TTC31: variants seen among roughly 807,000 people sequenced by gnomAD.
The protein encoded by TTC31 is tetratricopeptide repeat protein 31.
TTC31 carries 59 observed loss-of-function variants against 60.4 expected under a neutral mutation model. That is an observed-to-expected ratio of 0.98 (90% confidence interval 0.79 to 1.21). The LOEUF (loss-of-function observed/expected upper bound fraction) is 1.21, where lower values mean the gene tolerates loss of function less well. Ranked by LOEUF, TTC31 falls within the 50% of genes most tolerant of loss-of-function variation. The pLI is 0.00. For synonymous variants in TTC31, 225 were observed against 249.6 expected, an observed-to-expected ratio of 0.90 and a Z score of 0.93; for missense variants, 672 against 646.9, an observed-to-expected ratio of 1.04 and a Z score of -0.42.
chr2:74,483,359 T>C lies in TTC31; in HGVS notation c.78T>C (p.Ala26=). ...SLRPSCPLEV[A]AAPKLCKEFG... is the part of the protein sequence containing the mutation. Reference sequence around the variant, plus strand: ...GGCCCAGCTGCCCACTGGAGGTCGCTGCTGCACCCAAACTTTGCAAGGAAT... The same window carrying C: ...GGCCCAGCTGCCCACTGGAGGTCGCCGCTGCACCCAAACTTTGCAAGGAAT... The change falls in exon 2 of 13, where the codon GCT becomes GCC. Residue 26 remains alanine, a synonymous_variant. Coordinates refer to ENST00000233623, the MANE Select transcript of TTC31 (RefSeq NM_022492.6). 1 of 1,614,204 alleles carries C rather than the reference T, an allele frequency of 6.2e-7. No homozygotes were observed. Among genetic ancestry groups the C allele is most frequent in the Non-Finnish European group, 8.5e-7 (1 of 1,180,032 alleles).
intron 1 of TTC31, 42 bp downstream of exon 1, chr2:74,483,177 A>T: frequency 2.5e-6 from 4 of 1,614,066 alleles, no homozygotes; most frequent in Non-Finnish European, 3.4e-6. Flanking sequence ...AGGAGGGCAG[A>T]GGCAGCCCCT....
chr2:74,491,346 C>T lies in TTC31; in HGVS notation c.655C>T (p.Pro219Ser). Reference protein sequence around the residue: ...DESPPSSPGNPVQGQCGEEED... With the variant: ...DESPPSSPGNSVQGQCGEEED... The stretch of plus-strand genomic sequence containing the variant: ...GAGCCCCCCATCCAGCCCTGGAAAC[C>T]CAGTTCAGGGACAGTGTGGTGAAGA... The change falls in exon 7 of 13, where the codon CCA becomes TCA. Residue 219 changes from proline to serine, a missense_variant. Coordinates refer to ENST00000233623, the MANE Select transcript of TTC31 (RefSeq NM_022492.6). 6.2e-7 allele frequency: 1 copy of T among 1,614,164 alleles called. No individual in the cohort carries two copies. The highest frequency in any genetic ancestry group is 8.5e-7 in the Non-Finnish European group (1 of 1,180,024).
Position 74,490,677 on chromosome 2 carries a change from G to A in TTC31, c.484G>A (p.Glu162Lys). ...TEEEANRLAEELVAEEERMKQ... is the reference protein window; with the variant it reads ...TEEEANRLAEKLVAEEERMKQ... ...TCAGGAAGCCAATCGCCTGGCTGAG[G>A]AGCTGGTGGCTGAGGAGGAGCGCAT... Residue 162 changes from glutamate to lysine, a missense_variant, in exon 5 of 13, where the codon GAG becomes AAG. Coordinates refer to ENST00000233623, the MANE Select transcript of TTC31 (RefSeq NM_022492.6). 1 of 1,613,940 alleles carries A rather than the reference G, an allele frequency of 6.2e-7. No individual in the cohort carries two copies. The highest frequency in any genetic ancestry group is 8.5e-7 in the Non-Finnish European group (1 of 1,179,978).
In TTC31 at chr2:74,491,149, C is replaced by T. The variant is rs774215249; in HGVS notation, c.568C>T (p.Gln190Ter). The T allele has an allele frequency of 1.9e-6, 3 of 1,614,216 alleles. No homozygotes were observed. Among genetic ancestry groups the T allele is most frequent in the Non-Finnish European group, 1.7e-6 (2 of 1,180,050 alleles). ...KKKRQKERKRQERLEQYCGEP... is the reference protein window; with the variant it reads ...KKKRQKERKR ...GCAGCGTCAAAAGGAACGGAAGCGA[C>T]AGGAGCGTTTGGAGCAGTACTGTGG... Residue 190 changes from glutamine (Q) to a stop codon, truncating the protein, a stop_gained, in exon 6 of 13, where the codon CAG becomes TAG. Transcript: ENST00000233623. LOFTEE classifies it high-confidence loss of function.
rs781054394 is a variant in TTC31 at position 74,492,416 on chromosome 2, C to T, written c.1132C>T (p.Arg378Cys). The change falls in exon 11 of 13, where the codon CGC (arginine) becomes TGC (cysteine). Residue 378 changes from arginine to cysteine, a missense_variant. Coordinates refer to ENST00000233623, the MANE Select transcript of TTC31 (RefSeq NM_022492.6). ...GCCTGGCTGGCCCCGGGGCCTCTTC[C>T]GCCTGGGCAAGGCCTTGATGGGACT... is the stretch of plus-strand genomic sequence containing the variant. ...LRPGWPRGLF[R>C]LGKALMGLQR... The T allele has an allele frequency of 1.4e-5, 22 of 1,523,402 alleles. No individual in the cohort carries two copies. The highest frequency in any genetic ancestry group is 1.1e-4 in the East Asian group (5 of 44,092). 94.4% of individuals were successfully genotyped at this position (1,523,402 alleles called of 1,614,324 possible). A position where few individuals can be genotyped will look rare whatever the true frequency, so the allele number is the denominator to read the frequency against.
rs1673853458 is a variant in TTC31, at chr2:74,491,307, T to C, written c.616T>C (p.Ser206Pro). ...ATCTTTCTTCCAGGCCAGCACTACC[T>C]CAGATGGAGATGAGAGCCCCCCATC... ...YCGEPKASTTSDGDESPPSSP... is the reference protein window; with the variant it reads ...YCGEPKASTTPDGDESPPSSP... Residue 206 changes from serine (S) to proline (P), a missense_variant, in exon 7 of 13, where the codon TCA becomes CCA. Coordinates refer to ENST00000233623, the MANE Select transcript of TTC31 (RefSeq NM_022492.6). 1.2e-6 allele frequency: 2 copies of C among 1,614,098 alleles called. No homozygotes were observed. Among genetic ancestry groups the C allele is most frequent in the Non-Finnish European group, 1.7e-6 (2 of 1,180,026 alleles).
At position 74,492,636 on chromosome 2, in the gene TTC31, G is replaced by A. The variant is rs1674056206; in HGVS notation, c.1162-10G>A. 1 of 1,614,146 alleles carries A rather than the reference G, an allele frequency of 6.2e-7. No homozygotes were observed. Among genetic ancestry groups the A allele is most frequent in the African/African-American group, 1.3e-5 (1 of 75,064 alleles). ...CTAATCTTTTCTTTCTGATCCCTCT[G>A]GGACCAAAGCGCTTCAGAGAGGCAG... is the stretch of plus-strand genomic sequence containing the variant. On this transcript the variant is annotated splice_polypyrimidine_tract_variant and intron_variant, in intron 11 of 12. Transcript: ENST00000233623.
chr2:74,492,642 A>G lies in TTC31; in HGVS notation c.1162-4A>G, dbSNP rs200102564. ...TTTTCTTTCTGATCCCTCTGGGACC[A>G]AAGCGCTTCAGAGAGGCAGCTGCTG... On this transcript the variant is annotated splice_region_variant and splice_polypyrimidine_tract_variant and intron_variant, in intron 11 of 12. Transcript: ENST00000233623. The G allele has an allele frequency of 6.2e-7, 1 of 1,614,190 alleles. No homozygotes were observed. The highest frequency in any genetic ancestry group is 2.2e-5 in the East Asian group (1 of 44,888).
Position 74,492,212 on chromosome 2 carries a change from C to T in TTC31, c.1002C>T (p.Leu334=), listed in dbSNP as rs1258579999. 1.4e-5 allele frequency: 22 copies of T among 1,614,208 alleles called. No homozygotes were observed. Among genetic ancestry groups the T allele is most frequent in the Non-Finnish European group, 1.9e-5 (22 of 1,180,032 alleles). The change falls in exon 10 of 13, where the codon CTC becomes CTT. Residue 334 remains leucine (L), a synonymous_variant. Transcript: ENST00000233623. ...AVVLFTQALK[L]NPQDHRLFGN... Reference sequence around the variant, plus strand: ...TCCTCTTCACCCAGGCCTTGAAGCTCAACCCCCAGGACCACCGGTAGGTGG... The same window carrying T: ...TCCTCTTCACCCAGGCCTTGAAGCTTAACCCCCAGGACCACCGGTAGGTGG...
At chr2:74,483,257 G>C in intron 1 of TTC31, 65 bp from the exon 2 acceptor site, 2 of 1,613,058 alleles carry the variant, frequency 1.2e-6, no homozygotes, top group South Asian at 2.2e-5. Context: ...CGAGGGTAGA[G>C]TGGGGAGGAC....
Position 74,490,094 on chromosome 2 carries a change from G to A in TTC31, c.199G>A (p.Gly67Arg). ...PQGLHRIHVD[G>R]SSGRLQLWHH... ...GGGCCTGCACCGGATCCATGTGGAT[G>A]GGAGCAGCGGGCGGCTGCAGCTGTG... Residue 67 changes from glycine to arginine, a missense_variant, in exon 3 of 13, where the codon GGG becomes AGG. Gly to Arg is a moderately radical substitution (Grantham distance 125). Transcript: ENST00000233623. 3.1e-6 allele frequency: 5 copies of A among 1,591,590 alleles called. No individual in the cohort carries two copies. The highest frequency in any genetic ancestry group is 4.3e-6 in the Non-Finnish European group (5 of 1,168,784).
At chr2:74,492,772 T>C (rs1331604192) in intron 12 of TTC31, 25 bp downstream of exon 12, 1 of 1,610,724 alleles carries the variant, frequency 6.2e-7, no homozygotes, top group East Asian at 2.2e-5. Context: ...CACACTGTCA[T>C]GCTGAGGCGG....
intron 2 of TTC31, chr2:74,483,644 C>G (rs1211600885): frequency 7.3e-7 from 1 of 1,368,674 alleles, no homozygotes. Context: ...AGACAAGGGT[C>G]TCTGAGTTGA....
chr2:74,492,429 C>A lies in TTC31; in HGVS notation c.1145C>A (p.Ala382Asp), dbSNP rs1353315040. ...CGGGGCCTCTTCCGCCTGGGCAAGG[C>A]CTTGATGGGACTACAGGTAATAGGT... ...WPRGLFRLGK[A>D]LMGLQRFREA... Residue 382 changes from alanine to aspartate, a missense_variant, in exon 11 of 13, where the codon GCC becomes GAC. By Grantham distance (126) the Ala-to-Asp change is moderately radical. Transcript: ENST00000233623. 3 of 1,523,132 alleles carry A rather than the reference C, an allele frequency of 2.0e-6. No homozygotes were observed. The South Asian group carries it at 4.0e-5, about 20-fold the overall frequency. The allele number at this position is 1,523,132 out of a possible 1,614,324, so 94.4% of individuals were successfully genotyped here.
At chr2:74,487,568 C>A (rs1023837035) in intron 2 of TTC31, among the ~76,000 whole-genome samples, 1 of 151,712 alleles carries the variant, frequency 6.6e-6, no homozygotes, top group Non-Finnish European at 1.5e-5. Context: ...GATGACTACA[C>A]TGGTTTGAGG....
In TTC31 at chr2:74,492,388, A is replaced by T. The variant is rs773756836; in HGVS notation, c.1104A>T (p.Leu368=). 7 of 1,532,942 alleles carry T rather than the reference A, an allele frequency of 4.6e-6. No individual in the cohort carries two copies. In the East Asian group the frequency reaches 1.4e-4, roughly 30 times the overall value. 95.0% of individuals were successfully genotyped at this position (1,532,942 alleles called of 1,614,324 possible). The part of the protein sequence containing the change: ...ALADAQVALT[L]RPGWPRGLFR... Reference sequence around the variant, plus strand: ...CTGATGCCCAGGTGGCCCTTACCCTACGGCCTGGCTGGCCCCGGGGCCTCT... The same window carrying T: ...CTGATGCCCAGGTGGCCCTTACCCTTCGGCCTGGCTGGCCCCGGGGCCTCT... The change falls in exon 11 of 13, where the codon CTA becomes CTT. Residue 368 remains leucine (L), a synonymous_variant. Transcript: ENST00000233623.
rs369948236 is a variant in TTC31, at chr2:74,492,647, G to T, written c.1163G>T (p.Arg388Leu). The change falls in exon 12 of 13, where the codon CGC becomes CTC. Residue 388 changes from arginine to leucine, a missense_variant and splice_region_variant. Transcript: ENST00000233623. ...TTTCTGATCCCTCTGGGACCAAAGCGCTTCAGAGAGGCAGCTGCTGTGTTT... is the reference window on the plus strand; with the variant it reads ...TTTCTGATCCCTCTGGGACCAAAGCTCTTCAGAGAGGCAGCTGCTGTGTTT... ...RLGKALMGLQRFREAAAVFQE... is the reference protein window; with the variant it reads ...RLGKALMGLQLFREAAAVFQE... 6.2e-7 allele frequency: 1 copy of T among 1,614,182 alleles called. No homozygotes were observed. The highest frequency in any genetic ancestry group is 8.5e-7 in the Non-Finnish European group (1 of 1,180,024).
At chr2:74,483,456 C>A in intron 2 of TTC31, 46 bp downstream of exon 2, 1 of 1,613,730 alleles carries the variant, frequency 6.2e-7, no homozygotes, top group South Asian at 1.1e-5. Flanking sequence ...ATTTTGGTCA[C>A]GCCTCTTTGA....
intron 2 of TTC31, 59 bp downstream of exon 2, chr2:74,483,469 T>C: frequency 6.2e-7 from 1 of 1,612,564 alleles, no homozygotes; most frequent in Non-Finnish European, 8.5e-7. Context: ...CTCTTTGAAG[T>C]CAGCTGTGCA....
Sources: allele counts gnomAD v4.1 joint callset (sites outside exome capture counted in the v4.1 genomes callset), GRCh38; gene constraint gnomAD v4.1.1; transcripts MANE v1.5; gene names NCBI Gene and HGNC (gene_info 2026-07-23, HGNC 2026-07-21).